Variants in DPY19L1 observed in about 807,000 individuals in gnomAD.
DPY19L1 encodes the protein protein C-mannosyl-transferase DPY19L1.
Under a neutral mutation model 96.9 loss-of-function variants are expected in DPY19L1, and 35 were observed. The observed-to-expected ratio is 0.36, with a 90% CI of 0.28 to 0.48. The LOEUF (loss-of-function observed/expected upper bound fraction) is 0.48, where lower values mean the gene tolerates loss of function less well. Among genes scored for constraint, DPY19L1 ranks in the 20% least tolerant of loss-of-function variants. The pLI, the probability that DPY19L1 is intolerant of heterozygous loss-of-function variation, is 0.99. For synonymous variants in DPY19L1, 205 were observed against 252.6 expected (o/e 0.81, Z 1.79); for missense variants, 521 against 777.9 (o/e 0.67, Z 3.93).
intron 7 of DPY19L1, among the ~76,000 whole-genome samples, 153 bp downstream of exon 7, chr7:34,989,731 G>C (rs1785127094): frequency 6.6e-6 from 1 of 151,610 alleles, no homozygotes; most frequent in African/African-American, 2.4e-5. Flanking sequence ...GAAGTACAAT[G>C]GTCATGAAAA....
intron 10 of DPY19L1, among the ~76,000 whole-genome samples, chr7:34,960,786 C>T (rs1167501098): frequency 6.6e-6 from 1 of 152,056 alleles, no homozygotes. Flanking sequence ...TCTATTTTTA[C>T]TTGATTATGG....
intron 10 of DPY19L1, among the ~76,000 whole-genome samples, chr7:34,966,299 T>G (rs779390459): frequency 4.6e-5 from 7 of 152,154 alleles, no homozygotes; most frequent in Non-Finnish European, 1.0e-4. Flanking sequence ...GTTAATGAAC[T>G]TTTTTTCTTT....
rs571934214 is a variant in DPY19L1, at chr7:35,023,084, C to T, written c.299-4488G>A. ...GGGAGGGGAGTTCTCCCACCCCAGG[C>T]CCCCATGTCTGGCCGGTAGAGAGCA... On this transcript the variant is annotated intron_variant, in intron 1 of 21. Coordinates refer to ENST00000638088, the MANE Select transcript of DPY19L1 (RefSeq NM_001366673.1). 2.6e-5 allele frequency among the ~76,000 whole-genome samples: 4 copies of T among 152,286 alleles called. No individual in the cohort carries two copies. In the East Asian group the frequency reaches 7.7e-4, roughly 29 times the overall value.
At chr7:34,947,267 C>T (rs981354061) in intron 15 of DPY19L1, among the ~76,000 whole-genome samples, 1 of 152,078 alleles carries the variant, frequency 6.6e-6, no homozygotes, top group African/African-American at 2.4e-5. Context: ...TTGCACACTG[C>T]ACAAATCACT....
At chr7:34,992,954 C>T (rs1351350713) in intron 6 of DPY19L1, among the ~76,000 whole-genome samples, 1 of 152,162 alleles carries the variant, frequency 6.6e-6, no homozygotes, top group Non-Finnish European at 1.5e-5. Flanking sequence ...GAAACCTAAA[C>T]TTCCTTACTT....
At chr7:34,944,599 C>T (rs1430024902) in intron 16 of DPY19L1, among the ~76,000 whole-genome samples, 2 of 151,932 alleles carry the variant, frequency 1.3e-5, no homozygotes, top group African/African-American at 4.8e-5. Flanking sequence ...TTATCCTATA[C>T]ACACACACAC....
At position 34,955,314 on chromosome 7, in the gene DPY19L1, A is replaced by C; in HGVS notation, c.1233T>G (p.Ser411Arg). The part of the protein sequence containing the change: ...HFLKINVSEL[S>R]LWVIQGCFWL... The stretch of plus-strand genomic sequence containing the variant: ...AAAATAGATTGATTCTCACCCATAA[A>C]CTAAGTTCAGATACATTTATTTTCA... The change falls in exon 12 of 22, where the codon AGT becomes AGG. Residue 411 changes from serine (S) to arginine (R), a missense_variant. Physicochemically the swap from Ser to Arg is moderately radical, Grantham distance 110. Transcript: ENST00000638088. The C allele has an allele frequency of 6.2e-7, 1 of 1,602,564 alleles. No individual in the cohort carries two copies. Among genetic ancestry groups the C allele is most frequent in the South Asian group, 1.1e-5 (1 of 90,236 alleles).
intron 6 of DPY19L1, among the ~76,000 whole-genome samples, chr7:35,007,088 T>G (rs1361360364): frequency 6.6e-6 from 1 of 152,154 alleles, no homozygotes; most frequent in African/African-American, 2.4e-5. Context: ...AAGAAAATAT[T>G]AAGAACTAAC....
chr7:34,994,060 T>G (rs892880820), intron 6 of DPY19L1, among the ~76,000 whole-genome samples: 3 of 152,142 alleles, frequency 2.0e-5, no homozygotes, highest in African/African-American at 7.2e-5. Flanking sequence ...TGAAACTGTC[T>G]CAAAAAATAA....
In DPY19L1 at chr7:34,947,561, T is replaced by C; in HGVS notation, c.1494+69A>G. On this transcript the variant is annotated intron_variant, in intron 15 of 21. Coordinates refer to ENST00000638088, the MANE Select transcript of DPY19L1 (RefSeq NM_001366673.1). ...TGTATCAGATAAATGTGGCCAAGTATATGCGACTACTATGTAAAAACAAGA... is the reference window on the plus strand; with the variant it reads ...TGTATCAGATAAATGTGGCCAAGTACATGCGACTACTATGTAAAAACAAGA... 3.7e-6 allele frequency: 5 copies of C among 1,348,984 alleles called. No individual in the cohort carries two copies. The South Asian group carries it at 3.8e-5, about 10-fold the overall frequency. 83.6% of individuals were successfully genotyped at this position (1,348,984 alleles called of 1,614,324 possible). A position where few individuals can be genotyped will look rare whatever the true frequency, so the allele number is the denominator to read the frequency against.
At chr7:34,938,558 A>G (rs1046980950) in intron 20 of DPY19L1, among the ~76,000 whole-genome samples, 4 of 152,192 alleles carry the variant, frequency 2.6e-5, no homozygotes, top group Admixed American at 6.5e-5. Flanking sequence ...TAGATTTAAG[A>G]AAAACTAAAC....
intron 1 of DPY19L1, among the ~76,000 whole-genome samples, chr7:35,031,036 T>C (rs1584266158): frequency 6.6e-6 from 1 of 152,294 alleles, no homozygotes; most frequent in Non-Finnish European, 1.5e-5. Flanking sequence ...TACAAGCTGA[T>C]GGCAAAAGAA....
intron 21 of DPY19L1, 136 bp downstream of exon 21, chr7:34,937,858 A>T: frequency 3.2e-6 from 2 of 618,842 alleles, no homozygotes; most frequent in Non-Finnish European, 4.8e-6. Context: ...GAGCCTGTTT[A>T]AAAAAAAAAG....
At chr7:34,977,129 A>G (rs1367452516) in intron 7 of DPY19L1, among the ~76,000 whole-genome samples, 1 of 152,204 alleles carries the variant, frequency 6.6e-6, no homozygotes, top group African/African-American at 2.4e-5. Context: ...CACACTTAAT[A>G]GACTATAGTA....
At chr7:35,030,541 T>C (rs905112215) in intron 1 of DPY19L1, among the ~76,000 whole-genome samples, 1 of 152,164 alleles carries the variant, frequency 6.6e-6, no homozygotes, top group East Asian at 1.9e-4. Context: ...TTTAATAAAG[T>C]TAAAATTACA....
intron 6 of DPY19L1, among the ~76,000 whole-genome samples, chr7:35,005,289 C>A (rs1785524610): frequency 6.6e-6 from 1 of 151,750 alleles, no homozygotes; most frequent in Middle Eastern, 3.4e-3. Context: ...CAGCCACAGG[C>A]CTGGTCTGTG....
At chr7:34,974,372 G>T (rs1282948201) in intron 7 of DPY19L1, among the ~76,000 whole-genome samples, 1 of 152,108 alleles carries the variant, frequency 6.6e-6, no homozygotes, top group Non-Finnish European at 1.5e-5. Context: ...GCAAGCACGG[G>T]TACCTAAAAA....
chr7:34,995,664 A>G lies in DPY19L1; in HGVS notation c.765-5723T>C, dbSNP rs1455466459. 3.3e-5 allele frequency among the ~76,000 whole-genome samples: 5 copies of G among 152,198 alleles called. No homozygotes were observed. The South Asian group carries it at 8.3e-4, about 25-fold the overall frequency. The stretch of plus-strand genomic sequence containing the variant: ...TATTTACAAAAATGATGAACCATCC[A>G]AAGTTAAACTTTTGAAGAGAAAAAA... On this transcript the variant is annotated intron_variant, in intron 6 of 21. Transcript: ENST00000638088.
intron 15 of DPY19L1, 61 bp downstream of exon 15, chr7:34,947,569 T>C: frequency 7.0e-6 from 10 of 1,435,712 alleles, no homozygotes; most frequent in Non-Finnish European, 9.7e-6. Context: ...TATATGCGAC[T>C]ACTATGTAAA....
Sources: gnomAD v4.1 joint callset for allele counts (sites outside exome capture counted in the v4.1 genomes callset) on GRCh38, gnomAD v4.1.1 for gene constraint, MANE v1.5 for transcripts, NCBI Gene and HGNC (gene_info 2026-07-23, HGNC 2026-07-21) for gene names.